Variants in EPHA7 observed in about 807,000 individuals in gnomAD.
EPHA7 encodes the protein ephrin type-A receptor 7.
In EPHA7, 25 loss-of-function variants were observed where a neutral mutation model predicts 112.6. That is an observed-to-expected ratio of 0.22 (90% confidence interval 0.16 to 0.31). The LOEUF (loss-of-function observed/expected upper bound fraction) is 0.31, where lower values mean the gene tolerates loss of function less well. Among genes scored for constraint, EPHA7 ranks in the 10% least tolerant of loss-of-function variants. EPHA7 has a pLI of 1.00. For synonymous variants in EPHA7, 437 were observed against 406.5 expected (o/e 1.07, Z -0.90); for missense variants, 962 against 1,212.6 (o/e 0.79, Z 3.07).
chr6:93,373,875 A>T (rs996691142), intron 3 of EPHA7, among the ~76,000 whole-genome samples: 1 of 152,078 alleles, frequency 6.6e-6, no homozygotes, highest in Admixed American at 6.5e-5. Flanking sequence ...TTCAAAGCTC[A>T]TTTGACATAT....
chr6:93,245,232 C>G, intron 16 of EPHA7, 66 bp downstream of exon 16: 1 of 1,389,118 alleles, frequency 7.2e-7, no homozygotes, highest in Admixed American at 2.3e-5. Context: ...AGAAGATAAC[C>G]TAATGTATAA....
intron 3 of EPHA7, among the ~76,000 whole-genome samples, chr6:93,366,664 T>A (rs1234059398): frequency 1.3e-5 from 2 of 152,132 alleles, no homozygotes; most frequent in African/African-American, 4.8e-5. Context: ...CCTGATGGTG[T>A]CTGATTCTTG....
At chr6:93,278,916 T>G (rs1352251006) in intron 5 of EPHA7, among the ~76,000 whole-genome samples, 1 of 152,028 alleles carries the variant, frequency 6.6e-6, no homozygotes, top group Non-Finnish European at 1.5e-5. Flanking sequence ...ATTCACTCAT[T>G]TAATATTTAC....
intron 5 of EPHA7, among the ~76,000 whole-genome samples, chr6:93,297,750 T>A (rs934091787): frequency 6.6e-6 from 1 of 152,128 alleles, no homozygotes; most frequent in Non-Finnish European, 1.5e-5. Flanking sequence ...AACTCAGTAA[T>A]TGAGGTCCAT....
intron 4 of EPHA7, among the ~76,000 whole-genome samples, chr6:93,357,441 G>A (rs1299328019): frequency 6.6e-6 from 1 of 151,868 alleles, no homozygotes; most frequent in Non-Finnish European, 1.5e-5. Context: ...CACATAACAG[G>A]GAATACATTT....
chr6:93,408,778 C>A lies in EPHA7; in HGVS notation c.832+1723G>T, dbSNP rs539725306. Among the ~76,000 whole-genome samples, 63 of 152,158 alleles carry A rather than the reference C, an allele frequency of 4.1e-4. No individual in the cohort carries two copies. In the South Asian group the frequency reaches 8.5e-3, roughly 21 times the overall value. Reference sequence around the variant, plus strand: ...AGAAAAAGGTATTTGCTCAGTTACTCCATTTGAAAAGTATATCCAATACAA... The same window carrying A: ...AGAAAAAGGTATTTGCTCAGTTACTACATTTGAAAAGTATATCCAATACAA... On this transcript the variant is annotated intron_variant, in intron 3 of 16. Transcript: ENST00000369303.
intron 3 of EPHA7, among the ~76,000 whole-genome samples, chr6:93,374,870 A>G (rs539984868): frequency 2.0e-5 from 3 of 152,242 alleles, no homozygotes; most frequent in Non-Finnish European, 4.4e-5. Flanking sequence ...AGTAATTTAC[A>G]CATATCAGTT....
intron 3 of EPHA7, among the ~76,000 whole-genome samples, chr6:93,395,327 G>A (rs967777652): frequency 2.0e-5 from 3 of 151,720 alleles, no homozygotes; most frequent in Admixed American, 6.6e-5. Context: ...ATTCAGAATT[G>A]TCTTGGAAAT....
At chr6:93,370,592 A>G (rs1284512044) in intron 3 of EPHA7, among the ~76,000 whole-genome samples, 1 of 152,192 alleles carries the variant, frequency 6.6e-6, no homozygotes, top group Non-Finnish European at 1.5e-5. Flanking sequence ...TTTAAAAACA[A>G]TGGGATATTA....
intron 5 of EPHA7, among the ~76,000 whole-genome samples, chr6:93,288,526 T>C (rs1772190384): frequency 6.6e-6 from 1 of 152,176 alleles, no homozygotes; most frequent in Non-Finnish European, 1.5e-5. Context: ...AATTATACAT[T>C]TGAACTGGGT....
At chr6:93,312,597 T>A (rs1436587169) in intron 5 of EPHA7, among the ~76,000 whole-genome samples, 1 of 152,200 alleles carries the variant, frequency 6.6e-6, no homozygotes, top group African/African-American at 2.4e-5. Context: ...GCAATAAGGC[T>A]GTTTCACTCT....
intron 5 of EPHA7, among the ~76,000 whole-genome samples, chr6:93,290,927 A>G (rs1772326229): frequency 6.6e-6 from 1 of 152,192 alleles, no homozygotes; most frequent in Non-Finnish European, 1.5e-5. Context: ...ATCATAAAGC[A>G]AACAAAAAAT....
At chr6:93,254,841 A>G (rs1770366125) in intron 13 of EPHA7, 45 bp from the exon 14 acceptor site, 2 of 1,517,800 alleles carry the variant, frequency 1.3e-6, no homozygotes, top group Non-Finnish European at 9.0e-7. Context: ...ATAATAACTG[A>G]TATATTATTT....
At chr6:93,359,824 G>T (rs1359532307) in intron 3 of EPHA7, among the ~76,000 whole-genome samples, 1 of 149,574 alleles carries the variant, frequency 6.7e-6, no homozygotes, top group East Asian at 2.0e-4. Flanking sequence ...ATGTTATGTT[G>T]TGAATATAGA....
rs957945335 is a variant in EPHA7 at position 93,311,809 on chromosome 6, G to T, written c.1325-39387C>A. On this transcript the variant is annotated intron_variant, in intron 5 of 16. Coordinates refer to ENST00000369303, the MANE Select transcript of EPHA7 (RefSeq NM_004440.4). ...CTTAGGAAATGTATTTATTAAAAAA[G>T]ACTTGAAAGGTGAAATTACTCTTTA... is the stretch of plus-strand genomic sequence containing the variant. Among the ~76,000 whole-genome samples the T allele has an allele frequency of 3.0e-4, 45 of 152,208 alleles. 1 individual carries two copies. Among genetic ancestry groups the T allele is most frequent in the African/African-American group, 1.1e-3 (44 of 41,534 alleles).
chr6:93,354,594 T>G (rs564169085), intron 5 of EPHA7, among the ~76,000 whole-genome samples: 1 of 150,382 alleles, frequency 6.6e-6, no homozygotes, highest in Admixed American at 6.6e-5. Context: ...TCACAATATA[T>G]TTATTGTACA....
rs1009653932 is a variant in EPHA7 at position 93,395,897 on chromosome 6, G to C, written c.832+14604C>G. Among the ~76,000 whole-genome samples the C allele has an allele frequency of 2.0e-5, 3 of 151,860 alleles. No homozygotes were observed. The Admixed American group carries it at 2.0e-4, about 10-fold the overall frequency. Reference sequence around the variant, plus strand: ...TATCTCTACAACAAAGACCCTCTCTGAGCTTCCCAGTGGCCTTCAGTTTTA... The same window carrying C: ...TATCTCTACAACAAAGACCCTCTCTCAGCTTCCCAGTGGCCTTCAGTTTTA... On this transcript the variant is annotated intron_variant, in intron 3 of 16. Coordinates refer to ENST00000369303, the MANE Select transcript of EPHA7 (RefSeq NM_004440.4).
At chr6:93,292,240 T>G (rs1772418249) in intron 5 of EPHA7, among the ~76,000 whole-genome samples, 1 of 152,180 alleles carries the variant, frequency 6.6e-6, no homozygotes, top group Admixed American at 6.6e-5. Flanking sequence ...CCCCAACTTA[T>G]TACTTTTATT....
chr6:93,251,776 C>T (rs1416102185), intron 14 of EPHA7, among the ~76,000 whole-genome samples: 1 of 151,946 alleles, frequency 6.6e-6, no homozygotes, highest in Non-Finnish European at 1.5e-5. Flanking sequence ...TATTTGACTA[C>T]ATTTACATAC....
Sources: allele counts gnomAD v4.1 joint callset (sites outside exome capture counted in the v4.1 genomes callset), GRCh38; gene constraint gnomAD v4.1.1; transcripts MANE v1.5; gene names NCBI Gene and HGNC (gene_info 2026-07-23, HGNC 2026-07-21).